Variants in PTPRT observed in about 807,000 individuals in gnomAD.
PTPRT encodes receptor-type tyrosine-protein phosphatase T.
PTPRT carries 56 observed loss-of-function variants against 176.8 expected under a neutral mutation model. That is an observed-to-expected ratio of 0.32 (90% CI 0.26 to 0.40). PTPRT has a LOEUF of 0.40. PTPRT is among the 10% of genes least tolerant of loss of function. The pLI is 1.00. For synonymous variants in PTPRT, 783 were observed against 739.0 expected (o/e 1.06, Z -0.96); for missense variants, 1,540 against 1,908.2 (o/e 0.81, Z 3.60).
At chr20:42,830,377 G>C (rs914848308) in intron 2 of PTPRT, among the ~76,000 whole-genome samples, 2 of 152,152 alleles carry the variant, frequency 1.3e-5, no homozygotes, top group Non-Finnish European at 2.9e-5. Context: ...TGCAGACGAG[G>C]CTTTCAATAA....
intron 12 of PTPRT, 83 bp downstream of exon 12, chr20:42,315,640 G>A (rs2057709776): frequency 6.7e-7 from 1 of 1,498,788 alleles, no homozygotes; most frequent in Non-Finnish European, 9.1e-7. Context: ...TTCATCCTCT[G>A]CTCTAGAGCC....
At chr20:42,857,171 A>C (rs1478256100) in intron 2 of PTPRT, among the ~76,000 whole-genome samples, 1 of 152,208 alleles carries the variant, frequency 6.6e-6, no homozygotes, top group Admixed American at 6.5e-5. Context: ...ATGACTCTGA[A>C]AAAGTCATTT....
At chr20:42,174,436 C>T (rs1990202313) in intron 16 of PTPRT, among the ~76,000 whole-genome samples, 1 of 152,150 alleles carries the variant, frequency 6.6e-6, no homozygotes, top group Non-Finnish European at 1.5e-5. Context: ...CTCTGCATGT[C>T]AGTTCTGTGT....
At chr20:42,438,513 T>C (rs2059283464) in intron 9 of PTPRT, among the ~76,000 whole-genome samples, 1 of 152,110 alleles carries the variant, frequency 6.6e-6, no homozygotes, top group Admixed American at 6.5e-5. Flanking sequence ...ATCCTAAGGA[T>C]GAAGCTGGAA....
chr20:42,330,355 A>G (rs181580049), intron 11 of PTPRT, among the ~76,000 whole-genome samples: 1 of 152,098 alleles, frequency 6.6e-6, no homozygotes, highest in East Asian at 1.9e-4. Context: ...ACATGTCTGC[A>G]GTCCCAGCTG....
chr20:42,297,001 A>T (rs1313208526), intron 12 of PTPRT, among the ~76,000 whole-genome samples: 1 of 152,178 alleles, frequency 6.6e-6, no homozygotes, highest in Non-Finnish European at 1.5e-5. Flanking sequence ...AAAAATTTCA[A>T]AAAAAGGTGA....
At chr20:42,740,141 T>C (rs75926443) in intron 6 of PTPRT, among the ~76,000 whole-genome samples, 1 of 152,100 alleles carries the variant, frequency 6.6e-6, no homozygotes, top group East Asian at 1.9e-4. Flanking sequence ...GCCCTTGAGG[T>C]TGTTAAACTA....
intron 29 of PTPRT, among the ~76,000 whole-genome samples, chr20:42,082,235 C>T (rs1393199418): frequency 6.6e-6 from 1 of 152,132 alleles, no homozygotes; most frequent in Non-Finnish European, 1.5e-5. Context: ...CTGTCTGGGC[C>T]CCAAGTTCCC....
At chr20:42,739,639 C>G (rs751147564) in intron 6 of PTPRT, among the ~76,000 whole-genome samples, 2 of 152,158 alleles carry the variant, frequency 1.3e-5, no homozygotes, top group Non-Finnish European at 2.9e-5. Flanking sequence ...CTGAAATAGA[C>G]ATAGATAACA....
intron 7 of PTPRT, among the ~76,000 whole-genome samples, chr20:42,547,813 A>C (rs1404267331): frequency 1.3e-5 from 2 of 152,072 alleles, no homozygotes. Flanking sequence ...CAGATAATAC[A>C]ATCATATATA....
chr20:43,159,333 G>A (rs1223053989), intron 1 of PTPRT, among the ~76,000 whole-genome samples: 1 of 152,194 alleles, frequency 6.6e-6, no homozygotes, highest in African/African-American at 2.4e-5. Context: ...GGTGCATACT[G>A]CAGTGGTAAG....
chr20:42,380,594 C>A (rs2058689608), intron 9 of PTPRT, among the ~76,000 whole-genome samples: 1 of 152,150 alleles, frequency 6.6e-6, no homozygotes, highest in Non-Finnish European at 1.5e-5. Flanking sequence ...ACAGAGAAGC[C>A]CCAGGAAAGG....
intron 11 of PTPRT, among the ~76,000 whole-genome samples, chr20:42,329,367 C>T (rs2057931598): frequency 1.3e-5 from 2 of 151,872 alleles, no homozygotes; most frequent in African/African-American, 4.8e-5. Context: ...AATAGGAAGA[C>T]TAGATATTAA....
intron 1 of PTPRT, among the ~76,000 whole-genome samples, chr20:43,169,069 G>C (rs1011180547): frequency 6.6e-6 from 1 of 152,160 alleles, no homozygotes; most frequent in Non-Finnish European, 1.5e-5. Context: ...TAAAAAGCAG[G>C]TTTCAGGCCT....
intron 6 of PTPRT, among the ~76,000 whole-genome samples, chr20:42,684,344 C>CA (rs981825636): frequency 9.4e-4 from 128 of 136,242 alleles, no homozygotes; most frequent in African/African-American, 1.6e-3. Context: ...GACTCTGTCT[C>CA]AAAAAAAAAA....
chr20:43,079,600 G>T (rs1368499293), intron 1 of PTPRT, among the ~76,000 whole-genome samples: 1 of 151,848 alleles, frequency 6.6e-6, no homozygotes, highest in Non-Finnish European at 1.5e-5. Flanking sequence ...TACAATTTTG[G>T]TTAGGTTAAA....
intron 19 of PTPRT, 125 bp downstream of exon 19, chr20:42,128,629 C>A (rs980525367): frequency 6.6e-6 from 5 of 754,222 alleles, no homozygotes; most frequent in African/African-American, 5.3e-5. Context: ...TACACTAGTT[C>A]CACATATCAA....
chr20:42,915,612 A>G (rs1341688907), intron 1 of PTPRT, among the ~76,000 whole-genome samples: 4 of 152,086 alleles, frequency 2.6e-5, no homozygotes, highest in Admixed American at 2.6e-4. Flanking sequence ...CTATCTATCT[A>G]TCTGTCTATC....
At chr20:42,282,365 C>T (rs770563238) in intron 13 of PTPRT, 124 bp downstream of exon 13, 39 of 961,462 alleles carry the variant, frequency 4.1e-5, no homozygotes, top group African/African-American at 1.0e-4. Context: ...CAAATGACTC[C>T]GGTGAAAATA....
Sources: gnomAD v4.1 joint callset for allele counts (sites outside exome capture counted in the v4.1 genomes callset) on GRCh38, gnomAD v4.1.1 for gene constraint, MANE v1.5 for transcripts, NCBI Gene and HGNC (gene_info 2026-07-23, HGNC 2026-07-21) for gene names.